The following NELL1 variants were observed in gnomAD, a reference collection of about 807,000 sequenced individuals.
The protein encoded by NELL1 is neural EGFL like 1, also known as protein kinase C-binding protein NELL1.
Under a neutral mutation model 107.4 loss-of-function variants are expected in NELL1, and 76 were observed. The observed-to-expected ratio is 0.71, with a 90% CI of 0.59 to 0.86. The LOEUF (loss-of-function observed/expected upper bound fraction) is 0.86. Among genes scored for constraint, NELL1 ranks in the 40% least tolerant of loss-of-function variants. The probability of loss-of-function intolerance (pLI) is 0.00; values close to 1 mark genes in which losing one functional copy is unlikely to be tolerated. For synonymous variants in NELL1, 353 were observed against 341.2 expected (o/e 1.03, Z -0.38); for missense variants, 1,024 against 1,005.5 (o/e 1.02, Z -0.25).
intron 4 of NELL1, among the ~76,000 whole-genome samples, chr11:20,852,544 C>T (rs532425965): frequency 1.3e-5 from 2 of 152,252 alleles, no homozygotes; most frequent in South Asian, 4.2e-4. Context: ...ATTATTTAAC[C>T]TTGTATTTTT....
intron 13 of NELL1, among the ~76,000 whole-genome samples, chr11:21,175,126 C>T (rs897516346): frequency 4.0e-5 from 6 of 151,664 alleles, no homozygotes; most frequent in Non-Finnish European, 7.4e-5. Flanking sequence ...TTAGTAGCAG[C>T]GTAATTCTGA....
chr11:21,502,521 AG>A (rs1855168976), intron 15 of NELL1, among the ~76,000 whole-genome samples: 1 of 152,236 alleles, frequency 6.6e-6, no homozygotes, highest in Admixed American at 6.5e-5. Flanking sequence ...TAAGCGCTCT[AG>A]GTATTTCTGA....
chr11:20,966,098 G>T (rs1051722539), intron 12 of NELL1, among the ~76,000 whole-genome samples: 1 of 152,154 alleles, frequency 6.6e-6, no homozygotes, highest in African/African-American at 2.4e-5. Context: ...AGACAGCAAA[G>T]CATTGCTTTA....
intron 12 of NELL1, among the ~76,000 whole-genome samples, chr11:21,052,586 TAGTG>T (rs1388965286): frequency 1.3e-5 from 2 of 151,934 alleles, no homozygotes; most frequent in Non-Finnish European, 2.9e-5. Flanking sequence ...TATGAAGAAA[TAGTG>T]AGGAAGGAAA....
intron 12 of NELL1, among the ~76,000 whole-genome samples, chr11:21,011,712 C>T (rs528457747): frequency 6.6e-6 from 1 of 152,262 alleles, no homozygotes; most frequent in Admixed American, 6.5e-5. Flanking sequence ...ACTGCACATG[C>T]AGAGTATTTC....
chr11:21,503,007 C>T (rs1855183412), intron 15 of NELL1, among the ~76,000 whole-genome samples: 3 of 152,086 alleles, frequency 2.0e-5, no homozygotes, highest in South Asian at 2.1e-4. Flanking sequence ...CTCAACCTCC[C>T]GAGTAGCTGG....
intron 12 of NELL1, among the ~76,000 whole-genome samples, chr11:21,071,992 C>T (rs773545963): frequency 1.4e-4 from 21 of 151,934 alleles, no homozygotes; most frequent in Admixed American, 7.9e-4. Flanking sequence ...AGCAGAAGCC[C>T]ATGAGAAGCA....
At chr11:20,748,679 G>A (rs1401023359) in intron 2 of NELL1, among the ~76,000 whole-genome samples, 3 of 152,056 alleles carry the variant, frequency 2.0e-5, no homozygotes, top group African/African-American at 7.3e-5. Context: ...CCATTCCTGA[G>A]TTACTTCACT....
chr11:21,419,532 T>A (rs1412902291), intron 15 of NELL1, among the ~76,000 whole-genome samples: 1 of 152,146 alleles, frequency 6.6e-6, no homozygotes, highest in Non-Finnish European at 1.5e-5. Context: ...ACTGTTGTCA[T>A]CAACGGCATG....
At chr11:21,448,543 T>C (rs1237424562) in intron 15 of NELL1, among the ~76,000 whole-genome samples, 1 of 152,184 alleles carries the variant, frequency 6.6e-6, no homozygotes, top group East Asian at 1.9e-4. Flanking sequence ...GGTGTACATA[T>C]ATAATATTTT....
At chr11:21,306,243 C>A (rs958977137) in intron 14 of NELL1, among the ~76,000 whole-genome samples, 2 of 151,952 alleles carry the variant, frequency 1.3e-5, no homozygotes, top group African/African-American at 4.8e-5. Flanking sequence ...AACAATTAAT[C>A]AATTTATTGG....
chr11:21,117,608 G>C (rs988946175), intron 13 of NELL1, among the ~76,000 whole-genome samples: 3 of 151,934 alleles, frequency 2.0e-5, no homozygotes, highest in African/African-American at 7.2e-5. Context: ...ATGTTCTGTA[G>C]GATGTTCAGA....
intron 12 of NELL1, among the ~76,000 whole-genome samples, chr11:20,982,369 A>T (rs1050817006): frequency 6.6e-6 from 1 of 152,182 alleles, no homozygotes; most frequent in East Asian, 1.9e-4. Flanking sequence ...GACGTCTTTC[A>T]GTTTTGCAGA....
intron 12 of NELL1, among the ~76,000 whole-genome samples, chr11:21,008,349 T>G (rs1363456459): frequency 1.3e-5 from 2 of 152,170 alleles, no homozygotes; most frequent in Non-Finnish European, 2.9e-5. Flanking sequence ...AGTAGAAAGA[T>G]TCAATGAATA....
In NELL1 at chr11:21,067,477, C is replaced by A. The variant is rs572259700; in HGVS notation, c.1301-46112C>A. Among the ~76,000 whole-genome samples the A allele has an allele frequency of 2.0e-5, 3 of 152,168 alleles. No homozygotes were observed. In the East Asian group the frequency reaches 5.8e-4, roughly 29 times the overall value. ...GGCTTGCTCTTCCGAGGCCTGTATG[C>A]TGGGAGGAAGACAACTCACAGTGCT... On this transcript the variant is annotated intron_variant, in intron 12 of 19. Transcript: ENST00000357134.
chr11:20,848,325 C>T (rs7130762), intron 4 of NELL1, among the ~76,000 whole-genome samples: 31,893 of 151,924 alleles, frequency 0.21, 4,231 homozygotes, highest in African/African-American at 0.35. Flanking sequence ...ATGGTGGGAC[C>T]AGGGGGTTTC....
intron 16 of NELL1, among the ~76,000 whole-genome samples, chr11:21,540,743 AC>A (rs1256099843): frequency 2.0e-5 from 3 of 151,948 alleles, no homozygotes; most frequent in Non-Finnish European, 4.4e-5. Flanking sequence ...GGGAACATCT[AC>A]TCCCATGATT....
rs144459537 is a variant in NELL1, at chr11:21,228,389, A to G, written c.1427-943A>G. 9.3e-4 allele frequency among the ~76,000 whole-genome samples: 142 copies of G among 152,214 alleles called. 2 individuals are homozygous for G. The East Asian group carries it at 0.013, about 14-fold the overall frequency. The stretch of plus-strand genomic sequence containing the variant: ...GAATATATATAACCCATATCACTAC[A>G]TGGCAGGCAGATACGCAGAGGTTAG... On this transcript the variant is annotated intron_variant, in intron 13 of 19. Coordinates refer to ENST00000357134, the MANE Select transcript of NELL1 (RefSeq NM_006157.5).
intron 12 of NELL1, among the ~76,000 whole-genome samples, chr11:21,071,409 A>G (rs560435392): frequency 2.6e-5 from 4 of 152,320 alleles, no homozygotes; most frequent in Admixed American, 2.6e-4. Flanking sequence ...AATAAATAGT[A>G]AAGATGGCAA....
Sources: gnomAD v4.1 joint callset for allele counts (sites outside exome capture counted in the v4.1 genomes callset) on GRCh38, gnomAD v4.1.1 for gene constraint, MANE v1.5 for transcripts, NCBI Gene and HGNC (gene_info 2026-07-23, HGNC 2026-07-21) for gene names.